Variants in GET1 observed in about 807,000 individuals in gnomAD.
GET1 encodes congenital heart disease 5 protein.
GET1 carries 20 observed loss-of-function variants against 22.6 expected under a neutral mutation model. The ratio of observed to expected loss-of-function variants is 0.89; its 90% confidence interval spans 0.62 to 1.29. The LOEUF (loss-of-function observed/expected upper bound fraction) is 1.29, where lower values mean the gene tolerates loss of function less well. GET1 is among the 50% of genes most tolerant of loss of function. The probability of loss-of-function intolerance (pLI) is 0.00; values close to 1 mark genes in which losing one functional copy is unlikely to be tolerated. For synonymous variants in GET1, 92 were observed against 83.8 expected (o/e 1.10, Z -0.53); for missense variants, 209 against 219.9 (o/e 0.95, Z 0.31).
chr21:39,411,748 T>G (rs1601717388), intron 1 of GET1: 1 of 1,585,218 alleles, frequency 6.3e-7, no homozygotes. Context: ...TCATGTAAAT[T>G]TTTAAGTATT....
chr21:39,382,538 T>C (rs2037619653), intron 1 of GET1, among the ~76,000 whole-genome samples: 2 of 152,352 alleles, frequency 1.3e-5, no homozygotes, highest in South Asian at 4.1e-4. Flanking sequence ...TGGCTTCTTT[T>C]CACTCAGCAT....
intron 1 of GET1, among the ~76,000 whole-genome samples, chr21:39,388,344 T>C (rs560080175): frequency 6.6e-6 from 1 of 152,292 alleles, no homozygotes; most frequent in East Asian, 1.9e-4. Flanking sequence ...TCAAGTACGT[T>C]ACCACGATCT....
chr21:39,416,817 TAA>T (rs1254410954), intron 1 of GET1, among the ~76,000 whole-genome samples: 1 of 152,232 alleles, frequency 6.6e-6, no homozygotes, highest in Non-Finnish European at 1.5e-5. Context: ...GATTTTTTTG[TAA>T]AGTTATTTGT....
At chr21:39,423,314 C>T (rs748496581) in intron 1 of GET1, 1 of 1,611,370 alleles carries the variant, frequency 6.2e-7, no homozygotes, top group South Asian at 1.1e-5. Context: ...GTAAGGATGG[C>T]TTCCAATTTA....
At chr21:39,411,636 T>G in intron 1 of GET1, 2 of 649,016 alleles carry the variant, frequency 3.1e-6, no homozygotes, top group Admixed American at 2.8e-5. Context: ...TTTGAAAATA[T>G]CCATTATTTT....
chr21:39,396,917 T>C lies in GET1; in HGVS notation c.503T>C (p.Ile168Thr). The part of the protein sequence containing the change: ...WILVCNKVVA[I>T]VLHPFS ...TTAGTCTGTAACAAAGTTGTCGCTA[T>C]TGTGCTTCATCCGTTCAGCTGAACA... The change falls in exon 5 of 5, where the codon ATT becomes ACT. Residue 168 changes from isoleucine (I) to threonine (T), a missense_variant. Physicochemically the swap from Ile to Thr is moderately conservative, Grantham distance 89 (BLOSUM62 -1). Coordinates refer to ENST00000649170, the MANE Select transcript of GET1 (RefSeq NM_004627.6). The C allele has an allele frequency of 2.5e-6, 4 of 1,614,114 alleles. No individual in the cohort carries two copies. Among genetic ancestry groups the C allele is most frequent in the African/African-American group, 1.3e-5 (1 of 75,026 alleles).
At chr21:39,399,912 T>A (rs984247904), downstream of GET1, among the ~76,000 whole-genome samples, 3 of 15,524 alleles carry the variant, frequency 1.9e-4, no homozygotes, top group Non-Finnish European at 3.0e-4. Context: ...CTTTTTTTAA[T>A]TTTTTTTTTT....
At chr21:39,396,797 A>G in intron 4 of GET1, 69 bp from the exon 5 acceptor site, 1 of 1,393,904 alleles carries the variant, frequency 7.2e-7, no homozygotes, top group Non-Finnish European at 1.0e-6. Context: ...CTGTGAGTTA[A>G]AGACAGCAGA....
chr21:39,403,656 C>G (rs920735848), intron 4 of GET1, among the ~76,000 whole-genome samples: 3 of 151,044 alleles, frequency 2.0e-5, no homozygotes, highest in African/African-American at 7.3e-5. Context: ...GAGTCTCACT[C>G]TGTCGCCCAG....
intron 2 of GET1, chr21:39,391,293 G>A (rs758865782): frequency 1.4e-5 from 3 of 221,626 alleles, no homozygotes; most frequent in Non-Finnish European, 2.7e-5. Flanking sequence ...GATGAAGAGC[G>A]CTTTCTCAGG....
chr21:39,390,061 T>C (rs1385891905), intron 1 of GET1, among the ~76,000 whole-genome samples: 1 of 151,446 alleles, frequency 6.6e-6, no homozygotes, highest in Non-Finnish European at 1.5e-5. Context: ...TTTTTTTTTT[T>C]TGTGGTCGTT....
rs749709265 is a variant in GET1 at position 39,396,962 on chromosome 21, G to A, written c.*23G>A. The A allele has an allele frequency of 1.1e-5, 18 of 1,612,066 alleles. No homozygotes were observed. Among genetic ancestry groups the A allele is most frequent in the East Asian group, 2.2e-5 (1 of 44,862 alleles). The stretch of plus-strand genomic sequence containing the variant: ...TGAACAGGAGGATGGATACAGCCGC[G>A]AGGCTAAAAAACGGATTTCCTCTTC... On this transcript the variant is annotated 3_prime_UTR_variant, in exon 5 of 5. Transcript: ENST00000649170.
Position 39,391,838 on chromosome 21 carries a change from T to G in GET1, c.336+2T>G. 1 of 1,614,102 alleles carries G rather than the reference T, an allele frequency of 6.2e-7. No homozygotes were observed. Among genetic ancestry groups the G allele is most frequent in the Non-Finnish European group, 8.5e-7 (1 of 1,179,996 alleles). ...AGTGTCGCTTTCTACGTATTGCAGG[T>G]AAGTGTGCTAGAGCGTCAGCCGGGT... is the stretch of plus-strand genomic sequence containing the variant. On this transcript the variant is annotated splice_donor_variant, in intron 3 of 4. Transcript: ENST00000649170. LOFTEE classifies it high-confidence loss of function.
chr21:39,403,006 C>T lies in GET1; in HGVS notation c.350-2908C>T, dbSNP rs552728845. Among the ~76,000 whole-genome samples, 201 of 152,268 alleles carry T rather than the reference C, an allele frequency of 1.3e-3. 2 individuals are homozygous for T. Among genetic ancestry groups the T allele is most frequent in the African/African-American group, 4.3e-3 (180 of 41,554 alleles). On this transcript the variant is annotated intron_variant, in intron 4 of 4. Transcript: ENST00000415847. ...TAAATATAGCTCTGATTTAATATCA[C>T]GATGTGTGCTTTCATTGTGGGTGGG...
chr21:39,399,103 G>T (rs1334890895), downstream of GET1, among the ~76,000 whole-genome samples: 3 of 152,242 alleles, frequency 2.0e-5, no homozygotes, highest in Non-Finnish European at 4.4e-5. Flanking sequence ...AAGAGCTACA[G>T]TAAATGTGCA....
At chr21:39,417,766 A>T (rs2041486963) in intron 1 of GET1, among the ~76,000 whole-genome samples, 1 of 151,694 alleles carries the variant, frequency 6.6e-6, no homozygotes. Flanking sequence ...TTAATTTTTT[A>T]ATTTTTAATT....
intron 4 of GET1, among the ~76,000 whole-genome samples, chr21:39,395,437 T>C (rs980130560): frequency 2.0e-5 from 3 of 152,020 alleles, no homozygotes; most frequent in Admixed American, 1.3e-4. Context: ...TGATCTCTGC[T>C]CACTGCAACT....
intron 1 of GET1, among the ~76,000 whole-genome samples, chr21:39,384,350 G>A (rs1469879454): frequency 2.6e-5 from 4 of 151,812 alleles, no homozygotes; most frequent in Admixed American, 2.6e-4. Flanking sequence ...TCTGCCTCCT[G>A]GGTTCAAGCG....
intron 1 of GET1, among the ~76,000 whole-genome samples, chr21:39,385,853 A>C (rs935341394): frequency 6.6e-6 from 1 of 152,204 alleles, no homozygotes; most frequent in African/African-American, 2.4e-5. Flanking sequence ...TACCGCACAC[A>C]CTGCGCAGGC....
Sources: gnomAD v4.1 joint callset for allele counts (sites outside exome capture counted in the v4.1 genomes callset) on GRCh38, gnomAD v4.1.1 for gene constraint, MANE v1.5 for transcripts, NCBI Gene and HGNC (gene_info 2026-07-23, HGNC 2026-07-21) for gene names.